Variants in DPP6 observed in about 807,000 individuals in gnomAD.
The protein encoded by DPP6 is dipeptidyl peptidase like 6.
DPP6 carries 69 observed loss-of-function variants against 122.6 expected under a neutral mutation model. The observed-to-expected ratio is 0.56, with a 90% confidence interval of 0.46 to 0.69. DPP6 has a LOEUF of 0.69. DPP6 is among the 30% of genes least tolerant of loss of function. The pLI, the probability that DPP6 is intolerant of heterozygous loss-of-function variation, is 0.00. For synonymous variants in DPP6, 418 were observed against 433.1 expected, an observed-to-expected ratio of 0.97 and a Z score of 0.43; for missense variants, 928 against 1,116.9, an observed-to-expected ratio of 0.83 and a Z score of 2.41.
At chr7:153,832,826 T>C in the DPP6 span, among the ~76,000 whole-genome samples, 1 of 152,256 alleles carries the variant, frequency 6.6e-6, no homozygotes, top group Non-Finnish European at 1.5e-5. Flanking sequence ...TATTTCAATC[T>C]ATAGTCTCTT....
intron 1 of DPP6, among the ~76,000 whole-genome samples, chr7:154,138,385 G>A (rs1209979121): frequency 6.6e-6 from 1 of 152,186 alleles, no homozygotes; most frequent in Non-Finnish European, 1.5e-5. Flanking sequence ...ACATTATTTG[G>A]AAAATCTCCA....
chr7:154,433,136 G>GTTTTTTTTTTTTTTTTTTT (rs548053204), intron 1 of DPP6, among the ~76,000 whole-genome samples: 2 of 72,348 alleles, frequency 2.8e-5, no homozygotes, highest in African/African-American at 1.2e-4. Context: ...TAGACTGCAA[G>GTTTTTTTTTTTTTTTTTTT]TTTTTTTTTT....
chr7:153,859,686 C>A, the DPP6 span, among the ~76,000 whole-genome samples: 4 of 152,194 alleles, frequency 2.6e-5, no homozygotes, highest in East Asian at 3.9e-4. Flanking sequence ...TGAAGAAATA[C>A]CCAGACTGGG....
intron 3 of DPP6, among the ~76,000 whole-genome samples, chr7:154,504,491 A>G (rs930661488): frequency 1.6e-4 from 25 of 152,312 alleles, no homozygotes; most frequent in African/African-American, 6.0e-4. Context: ...AAGAGCCTCA[A>G]TAATTATTTT....
chr7:153,849,268 A>G, the DPP6 span, among the ~76,000 whole-genome samples: 1 of 141,050 alleles, frequency 7.1e-6, no homozygotes, highest in East Asian at 2.1e-4. Flanking sequence ...AGAGACATAT[A>G]TGTTTTCTTT....
intron 1 of DPP6, among the ~76,000 whole-genome samples, chr7:154,441,297 C>T (rs1242320918): frequency 2.6e-5 from 4 of 152,140 alleles, no homozygotes; most frequent in Non-Finnish European, 4.4e-5. Context: ...AATGCACTTT[C>T]GAGTTCTTTC....
chr7:154,036,014 G>A (rs1427147963), intron 1 of DPP6, among the ~76,000 whole-genome samples: 4,601 of 128,888 alleles, frequency 0.036, 116 homozygotes, highest in East Asian at 0.059. Flanking sequence ...GATTACGCGC[G>A]CGCGCTTGTG....
chr7:154,487,116 A>G (rs1823866181), intron 3 of DPP6, among the ~76,000 whole-genome samples: 1 of 152,240 alleles, frequency 6.6e-6, no homozygotes, highest in African/African-American at 2.4e-5. Flanking sequence ...TGCAGTATAC[A>G]GAGGGACAGG....
intron 1 of DPP6, among the ~76,000 whole-genome samples, chr7:154,090,869 C>T (rs1804756895): frequency 6.7e-6 from 1 of 149,176 alleles, no homozygotes; most frequent in African/African-American, 2.5e-5. Context: ...GCCTGTAATC[C>T]CAGCACTTTG....
chr7:154,882,101 C>T (rs374636946), intron 21 of DPP6, among the ~76,000 whole-genome samples: 1 of 152,230 alleles, frequency 6.6e-6, no homozygotes, highest in African/African-American at 2.4e-5. Context: ...GAGGGCTTGG[C>T]CTCCTTCCTG....
intron 1 of DPP6, among the ~76,000 whole-genome samples, chr7:154,072,735 G>A (rs1393147105): frequency 1.4e-4 from 21 of 152,254 alleles, no homozygotes; most frequent in Non-Finnish European, 2.1e-4. Context: ...ACCTGTGCCC[G>A]TTTGTTTGGG....
At chr7:154,175,016 G>A (rs1797725522) in intron 1 of DPP6, among the ~76,000 whole-genome samples, 1 of 151,736 alleles carries the variant, frequency 6.6e-6, no homozygotes, top group African/African-American at 2.4e-5. Context: ...TGGGATTGCA[G>A]GCCCCTGCAA....
intron 1 of DPP6, among the ~76,000 whole-genome samples, chr7:154,090,925 C>G (rs1256353750): frequency 1.3e-5 from 2 of 149,042 alleles, no homozygotes; most frequent in Admixed American, 6.7e-5. Flanking sequence ...TCGAGACCAT[C>G]CTGGCTAACA....
chr7:154,354,125 C>T (rs1333820468), intron 1 of DPP6, among the ~76,000 whole-genome samples: 2 of 152,306 alleles, frequency 1.3e-5, no homozygotes, highest in African/African-American at 4.8e-5. Flanking sequence ...GAGGAAAGAA[C>T]TCAAAGTGCA....
intron 1 of DPP6, among the ~76,000 whole-genome samples, chr7:153,925,763 G>A (rs766599474): frequency 1.4e-4 from 22 of 152,204 alleles, no homozygotes; most frequent in Non-Finnish European, 3.1e-4. Flanking sequence ...GGAAGGTCCA[G>A]CCTGGCAGTG....
chr7:154,423,901 A>G (rs1352477114), intron 1 of DPP6, among the ~76,000 whole-genome samples: 3 of 152,228 alleles, frequency 2.0e-5, no homozygotes, highest in Non-Finnish European at 4.4e-5. Context: ...AGAGGCAAAG[A>G]AACATAGAGG....
At chr7:154,215,251 C>T (rs1306196620) in intron 1 of DPP6, among the ~76,000 whole-genome samples, 1 of 152,048 alleles carries the variant, frequency 6.6e-6, no homozygotes, top group Non-Finnish European at 1.5e-5. Context: ...CATTTTGAAG[C>T]CATCAGATTG....
chr7:154,063,360 A>G (rs1802339826), intron 1 of DPP6, among the ~76,000 whole-genome samples: 1 of 112,078 alleles, frequency 8.9e-6, no homozygotes, highest in African/African-American at 3.4e-5. Flanking sequence ...CCATTGCAGG[A>G]GGGTGTGGCA....
chr7:154,156,115 A>G (rs1257368030), intron 1 of DPP6, among the ~76,000 whole-genome samples: 1 of 152,030 alleles, frequency 6.6e-6, no homozygotes, highest in African/African-American at 2.4e-5. Flanking sequence ...CCCATGCATG[A>G]GTCAACCAGA....
Sources: gnomAD v4.1 joint callset for allele counts (sites outside exome capture counted in the v4.1 genomes callset) on GRCh38, gnomAD v4.1.1 for gene constraint, MANE v1.5 for transcripts, NCBI Gene and HGNC (gene_info 2026-07-23, HGNC 2026-07-21) for gene names.